The following DMTF1 variants were observed in gnomAD, a reference collection of about 807,000 sequenced individuals.
DMTF1 encodes cyclin-D-binding Myb-like transcription factor 1.
Under a neutral mutation model 91.1 loss-of-function variants are expected in DMTF1, and 39 were observed. That is an observed-to-expected ratio of 0.43 (90% CI 0.33 to 0.56). The LOEUF (loss-of-function observed/expected upper bound fraction) is 0.56. Among genes scored for constraint, DMTF1 ranks in the 20% least tolerant of loss-of-function variants. The pLI is 0.05. For missense variants in DMTF1, 750 were observed against 914.5 expected (o/e 0.82, Z 2.32); for synonymous variants, 338 against 309.5 (o/e 1.09, Z -0.97).
At chr7:87,192,140 C>T (rs990953396) in intron 14 of DMTF1, among the ~76,000 whole-genome samples, 1 of 152,006 alleles carries the variant, frequency 6.6e-6, no homozygotes, top group Admixed American at 6.6e-5. Context: ...GGTATGTGTT[C>T]AGGTTTTTAC....
At chr7:87,160,863 T>C (rs1792149258) in intron 1 of DMTF1, among the ~76,000 whole-genome samples, 1 of 152,186 alleles carries the variant, frequency 6.6e-6, no homozygotes, top group African/African-American at 2.4e-5. Flanking sequence ...TTCCCAAATT[T>C]AGTGGAGTGC....
chr7:87,187,179 A>G (rs4728687), intron 12 of DMTF1: 151,304 of 152,304 alleles, frequency 0.99, 75,158 homozygotes, highest in East Asian at 1. Flanking sequence ...AACTTCCATT[A>G]TTCCAAAGGA....
intron 1 of DMTF1, among the ~76,000 whole-genome samples, chr7:87,159,796 G>A (rs913631424): frequency 3.3e-5 from 5 of 152,182 alleles, no homozygotes; most frequent in African/African-American, 4.8e-5. Context: ...GCGTGTTACT[G>A]TACTGAGTAC....
Position 87,196,110 on chromosome 7 carries a change from T to C in DMTF1, c.*970T>C, listed in dbSNP as rs1801167697. ...AAGGGTTAAGGCAAAGGTAGCCTTT[T>C]GGGCTTTTTAATGAATATGACCCCT... On this transcript the variant is annotated 3_prime_UTR_variant, in exon 18 of 18. Coordinates refer to ENST00000331242, the MANE Select transcript of DMTF1 (RefSeq NM_001142327.2). 1 of 152,692 alleles carries C rather than the reference T, an allele frequency of 6.5e-6. No homozygotes were observed. Among genetic ancestry groups the C allele is most frequent in the African/African-American group, 2.4e-5 (1 of 41,440 alleles). 9.5% of individuals were successfully genotyped at this position (152,692 alleles called of 1,614,324 possible). A position where few individuals can be genotyped will look rare whatever the true frequency, so the allele number is the denominator to read the frequency against.
chr7:87,193,299 C>T lies in DMTF1; in HGVS notation c.1596C>T (p.Thr532=), dbSNP rs1436785849. 3 of 1,613,338 alleles carry T rather than the reference C, an allele frequency of 1.9e-6. No individual in the cohort carries two copies. Among genetic ancestry groups the T allele is most frequent in the Non-Finnish European group, 2.5e-6 (3 of 1,179,606 alleles). The change falls in exon 15 of 18, where the codon ACC becomes ACT. Residue 532 remains threonine (T), a synonymous_variant. Transcript: ENST00000331242. The part of the protein sequence containing the change: ...PLTLTASPTV[T]LTAAAPASPE... The stretch of plus-strand genomic sequence containing the variant: ...CTCTGACTGCTAGTCCCACAGTAAC[C>T]CTGACAGCTGCTGCTCCTGCTTCTC...
rs1252098838 is a variant in DMTF1 at position 87,184,600 on chromosome 7, G to A, written c.1024G>A (p.Glu342Lys). The change falls in exon 11 of 18, where the codon GAA (glutamate) becomes AAA (lysine). Residue 342 changes from glutamate to lysine, a missense_variant. Around this residue, in one of 3 missense-constraint regions of DMTF1, gnomAD observed 190 missense variants for 343.8 expected, o/e 0.55. Transcript: ENST00000331242. ...GAGTGGGGGTACTGAATGGACCAAG[G>A]AAGATGAAATCAATCTCATCCTCAG... Reference protein sequence around the residue: ...KQSGGTEWTKEDEINLILRIA... With the variant: ...KQSGGTEWTKKDEINLILRIA... The A allele has an allele frequency of 3.7e-6, 6 of 1,613,888 alleles. No homozygotes were observed. The highest frequency in any genetic ancestry group is 1.1e-5 in the South Asian group (1 of 91,078).
chr7:87,188,082 C>G lies in DMTF1; in HGVS notation c.1202-10C>G. On this transcript the variant is annotated splice_polypyrimidine_tract_variant and intron_variant, in intron 12 of 17. Transcript: ENST00000331242. ...ATCAATGTTCTTTTTGTCTACCCAT[C>G]TCCCTTCAGTCTTAATAAAAGGTCT... The G allele has an allele frequency of 6.2e-7, 1 of 1,609,766 alleles. No homozygotes were observed. The highest frequency in any genetic ancestry group is 8.5e-7 in the Non-Finnish European group (1 of 1,176,306).
intron 14 of DMTF1, chr7:87,192,788 T>C (rs7776634): frequency 0.7 from 110,344 of 158,062 alleles, 39,532 homozygotes; most frequent in Middle Eastern, 0.85. Context: ...TCCCTTTCTA[T>C]AAAAAATTTC....
Position 87,173,556 on chromosome 7 carries a change from G to A in DMTF1, c.349G>A (p.Asp117Asn), listed in dbSNP as rs771633127. The A allele has an allele frequency of 1.1e-5, 18 of 1,606,144 alleles. No homozygotes were observed. The South Asian group carries it at 2.0e-4, about 18-fold the overall frequency. ...QIQILQNEQL[D>N]EISPLGNEEV... is the part of the protein sequence containing the mutation. ...CAAGATTTTGCAGAATGAGCAACTA[G>A]ATGAAATATCTCCCTTGGGTAACGA... is the stretch of plus-strand genomic sequence containing the variant. Residue 117 changes from aspartate to asparagine, a missense_variant, in exon 6 of 18, where the codon GAT (aspartate) becomes AAT (asparagine). By Grantham distance (23) the Asp-to-Asn change is conservative. Transcript: ENST00000331242.
chr7:87,194,525 T>G, intron 16 of DMTF1, 159 bp from the exon 17 acceptor site: 1 of 532,276 alleles, frequency 1.9e-6, no homozygotes, highest in Non-Finnish European at 3.3e-6. Context: ...TGTTAGATTG[T>G]GAGGTCATCT....
intron 1 of DMTF1, among the ~76,000 whole-genome samples, chr7:87,158,192 TC>T (rs1791291185): frequency 6.6e-6 from 1 of 152,052 alleles, no homozygotes; most frequent in South Asian, 2.1e-4. Context: ...AAATGACTTA[TC>T]CCAAGTCCTT....
intron 7 of DMTF1, among the ~76,000 whole-genome samples, chr7:87,176,121 G>A (rs1343406128): frequency 6.6e-6 from 1 of 152,160 alleles, no homozygotes; most frequent in Non-Finnish European, 1.5e-5. Flanking sequence ...CTACACTAAT[G>A]TAGAAACGCA....
At chr7:87,153,276 T>C (rs1182282895) in intron 1 of DMTF1, among the ~76,000 whole-genome samples, 9 of 152,166 alleles carry the variant, frequency 5.9e-5, no homozygotes, top group African/African-American at 2.2e-4. Flanking sequence ...GGGACAGTCC[T>C]GGTGGAGCAC....
chr7:87,164,125 T>TTAA (rs1208423500), intron 2 of DMTF1: 1 of 151,522 alleles, frequency 6.6e-6, no homozygotes, highest in Non-Finnish European at 1.5e-5. Context: ...GTCCTCTGTA[T>TTAA]TATTTAGTTG....
Position 87,188,101 on chromosome 7 carries a change from A to G in DMTF1, c.1211A>G (p.Lys404Arg), listed in dbSNP as rs1378389832. Residue 404 changes from lysine to arginine, a missense_variant, in exon 13 of 18, where the codon AAA (lysine) becomes AGA (arginine). Transcript: ENST00000331242. The part of the protein sequence containing the change: ...HKDVSFPVLI[K>R]GLKQLHENQK... ...ACCCATCTCCCTTCAGTCTTAATAA[A>G]AGGTCTTAAACAGTTACATGAGAAC... 1 of 1,613,378 alleles carries G rather than the reference A, an allele frequency of 6.2e-7. No homozygotes were observed. The highest frequency in any genetic ancestry group is 8.5e-7 in the Non-Finnish European group (1 of 1,179,612).
intron 5 of DMTF1, among the ~76,000 whole-genome samples, chr7:87,172,836 A>G (rs1795395759): frequency 1.3e-5 from 2 of 152,234 alleles, no homozygotes; most frequent in Non-Finnish European, 2.9e-5. Flanking sequence ...GTTAGATTAG[A>G]TATGCTTGTA....
At chr7:87,172,293 T>C (rs1450569162) in intron 5 of DMTF1, among the ~76,000 whole-genome samples, 1 of 152,186 alleles carries the variant, frequency 6.6e-6, no homozygotes, top group Non-Finnish European at 1.5e-5. Context: ...TCAAAAAGTA[T>C]GACATGTAAA....
At chr7:87,183,891 C>A (rs1797889788) in intron 10 of DMTF1, among the ~76,000 whole-genome samples, 1 of 152,132 alleles carries the variant, frequency 6.6e-6, no homozygotes, top group South Asian at 2.1e-4. Flanking sequence ...AGTGAGGAAA[C>A]AAGATGGTAG....
intron 1 of DMTF1, chr7:87,154,078 A>G (rs1790050162): frequency 6.6e-6 from 1 of 152,224 alleles, no homozygotes; most frequent in Non-Finnish European, 1.5e-5. Flanking sequence ...TGGTGTACTT[A>G]GAGACAGGAT....
Sources: allele counts gnomAD v4.1 joint callset (sites outside exome capture counted in the v4.1 genomes callset), GRCh38; gene constraint gnomAD v4.1.1; regional missense constraint gnomAD v4.1.1; transcripts MANE v1.5; gene names NCBI Gene and HGNC (gene_info 2026-07-23, HGNC 2026-07-21).